DAB1: variants seen among roughly 807,000 people sequenced by gnomAD.
The protein encoded by DAB1 is disabled homolog 1.
A neutral mutation model predicts 64.6 loss-of-function variants in DAB1; 15 were observed. That is an observed-to-expected ratio of 0.23 (90% CI 0.16 to 0.36). The LOEUF (loss-of-function observed/expected upper bound fraction) is 0.36. DAB1 is among the 10% of genes least tolerant of loss of function. The pLI, the probability that DAB1 is intolerant of heterozygous loss-of-function variation, is 1.00. For synonymous variants in DAB1, 235 were observed against 251.9 expected (o/e 0.93, Z 0.64); for missense variants, 596 against 706.7 (o/e 0.84, Z 1.78).
intron 1 of DAB1, chr1:57,307,512 C>G (rs78084997): frequency 2.7e-5 from 4 of 148,370 alleles, no homozygotes; most frequent in African/African-American, 8.1e-5. Context: ...GACCGCACCT[C>G]CCAGACCACA....
intron 2 of DAB1, among the ~76,000 whole-genome samples, chr1:57,205,651 AT>A (rs1665477436): frequency 6.6e-6 from 1 of 152,218 alleles, no homozygotes; most frequent in South Asian, 2.1e-4. Context: ...GCTAGGTATT[AT>A]TTCTCTCGTC....
intron 7 of DAB1, among the ~76,000 whole-genome samples, chr1:57,506,822 T>G (rs1322074056): frequency 6.6e-6 from 1 of 152,224 alleles, no homozygotes; most frequent in African/African-American, 2.4e-5. Context: ...TGTCTTGGAC[T>G]CATCTCCTTG....
At chr1:58,131,849 T>C (rs1653609907) in intron 5 of DAB1, among the ~76,000 whole-genome samples, 1 of 150,124 alleles carries the variant, frequency 6.7e-6, no homozygotes, top group African/African-American at 2.5e-5. Context: ...GGAGAACCAC[T>C]GCTCTCTTCA....
At chr1:57,186,248 A>T (rs1663548447) in intron 2 of DAB1, among the ~76,000 whole-genome samples, 1 of 152,210 alleles carries the variant, frequency 6.6e-6, no homozygotes. Flanking sequence ...TTCTCCAAAA[A>T]CAGCCCCAGC....
At chr1:57,372,658 T>C (rs1680593769) in intron 1 of DAB1, among the ~76,000 whole-genome samples, 2 of 152,212 alleles carry the variant, frequency 1.3e-5, no homozygotes, top group Admixed American at 6.5e-5. Context: ...GCTCCTGTTT[T>C]TTTTTCTATC....
chr1:57,354,526 G>A (rs1678900989), intron 1 of DAB1, among the ~76,000 whole-genome samples: 1 of 152,104 alleles, frequency 6.6e-6, no homozygotes, highest in South Asian at 2.1e-4. Context: ...GTTGCTGTTG[G>A]GTTGAGGGTG....
At chr1:57,564,734 A>G (rs2101516443) in intron 7 of DAB1, among the ~76,000 whole-genome samples, 1 of 152,320 alleles carries the variant, frequency 6.6e-6, no homozygotes, top group African/African-American at 2.4e-5. Context: ...GTTTAGAGTA[A>G]AAAGAAATGA....
intron 5 of DAB1, among the ~76,000 whole-genome samples, chr1:58,021,225 T>C (rs1646810683): frequency 6.6e-6 from 1 of 152,206 alleles, no homozygotes; most frequent in African/African-American, 2.4e-5. Context: ...CTCCAGGCCT[T>C]GTCTTCCTAG....
At chr1:57,388,231 A>G (rs1682049259) in intron 1 of DAB1, among the ~76,000 whole-genome samples, 1 of 152,166 alleles carries the variant, frequency 6.6e-6, no homozygotes, top group South Asian at 2.1e-4. Flanking sequence ...TTCCTTTCAC[A>G]CAGCCACCTG....
intron 1 of DAB1, among the ~76,000 whole-genome samples, chr1:57,833,058 T>G (rs200288134): frequency 0.02 from 1,703 of 86,210 alleles, 26 homozygotes; most frequent in African/African-American, 0.07. Flanking sequence ...TGGGAAGGAC[T>G]GAGACTGAAA....
At chr1:57,164,409 C>A (rs1256547877) in intron 2 of DAB1, among the ~76,000 whole-genome samples, 3 of 152,100 alleles carry the variant, frequency 2.0e-5, no homozygotes, top group African/African-American at 4.8e-5. Context: ...TTGAGATACC[C>A]TCCAGATCTT....
intron 4 of DAB1, among the ~76,000 whole-genome samples, chr1:58,164,189 TAA>T (rs71691727): frequency 3.8e-4 from 44 of 115,450 alleles, no homozygotes; most frequent in East Asian, 7.4e-4. Context: ...GAGCTCAGCT[TAA>T]AAAAAAAAAA....
At chr1:58,432,473 A>G (rs1328147627) in intron 3 of DAB1, among the ~76,000 whole-genome samples, 1 of 152,186 alleles carries the variant, frequency 6.6e-6, no homozygotes, top group African/African-American at 2.4e-5. Flanking sequence ...TGAATGAATG[A>G]ATAAATGAGT....
chr1:57,097,840 C>A (rs1654308652), intron 4 of DAB1, among the ~76,000 whole-genome samples: 1 of 151,822 alleles, frequency 6.6e-6, no homozygotes, highest in African/African-American at 2.4e-5. Context: ...TGCAGTGGTG[C>A]AATCTCAGCT....
intron 1 of DAB1, among the ~76,000 whole-genome samples, chr1:57,347,006 C>G (rs1678163944): frequency 6.6e-6 from 1 of 152,060 alleles, no homozygotes; most frequent in South Asian, 2.1e-4. Context: ...ACAAATAAAC[C>G]AAAATATACC....
chr1:57,179,582 T>C (rs930375677), intron 2 of DAB1, among the ~76,000 whole-genome samples: 10 of 152,238 alleles, frequency 6.6e-5, no homozygotes, highest in African/African-American at 2.4e-4. Flanking sequence ...GGCCTTTAGC[T>C]GCATTTATTG....
chr1:57,693,001 G>A (rs1295151414), intron 6 of DAB1, among the ~76,000 whole-genome samples: 2 of 151,982 alleles, frequency 1.3e-5, no homozygotes, highest in African/African-American at 4.8e-5. Context: ...ACTCACCTTT[G>A]GGCCCTATAT....
At chr1:57,087,750 C>G (rs980033909) in intron 4 of DAB1, among the ~76,000 whole-genome samples, 1 of 152,196 alleles carries the variant, frequency 6.6e-6, no homozygotes, top group Non-Finnish European at 1.5e-5. Context: ...CTGTTCTGTG[C>G]TCCCTGAGCC....
rs575805483 is a variant in DAB1 at position 57,319,974 on chromosome 1, TGAAA to T, written c.-136-28812_-136-28809del. Among the ~76,000 whole-genome samples the T allele has an allele frequency of 3.2e-3, 485 of 152,326 alleles. 7 individuals are homozygous for T. The highest frequency in any genetic ancestry group is 0.011 in the African/African-American group (474 of 41,580). On this transcript the variant is annotated intron_variant, in intron 1 of 14. Coordinates refer to ENST00000371236, the MANE Select transcript of DAB1 (RefSeq NM_001365792.1). ...AATTAATCTAAGGATGGCACAGGGC[TGAAA>T]GAAAGAACTTGAGCCCCTGATAACA... is the stretch of plus-strand genomic sequence containing the variant.
Sources: allele counts gnomAD v4.1 joint callset (sites outside exome capture counted in the v4.1 genomes callset), GRCh38; gene constraint gnomAD v4.1.1; transcripts MANE v1.5; gene names NCBI Gene and HGNC (gene_info 2026-07-23, HGNC 2026-07-21).